Variants in HERC2 observed in about 807,000 individuals in gnomAD.
HERC2 encodes HECT and RLD domain containing E3 ubiquitin protein ligase 2.
HERC2 carries 102 observed loss-of-function variants against 537.7 expected under a neutral mutation model. That is an observed-to-expected ratio of 0.19 (90% confidence interval 0.16 to 0.22). The LOEUF is 0.22. Among genes scored for constraint, HERC2 ranks in the 10% least tolerant of loss-of-function variants. HERC2 has a pLI of 1.00. For synonymous variants in HERC2, 2,224 were observed against 2,466.2 expected (o/e 0.90, Z 2.91); for missense variants, 4,236 against 6,198.2 (o/e 0.68, Z 10.63).
At chr15:28,160,418 A>G (rs1893468266) in intron 69 of HERC2, among the ~76,000 whole-genome samples, 1 of 152,204 alleles carries the variant, frequency 6.6e-6, no homozygotes, top group South Asian at 2.1e-4. Context: ...TTACCTACTC[A>G]AGCCTCAGCA....
chr15:28,209,352 TA>T (rs886666381), intron 44 of HERC2, among the ~76,000 whole-genome samples: 23 of 151,308 alleles, frequency 1.5e-4, no homozygotes, highest in South Asian at 2.1e-4. Context: ...TTTATTTATT[TA>T]TTTTTTTTGA....
chr15:28,155,614 T>C lies in HERC2; in HGVS notation c.10747-2784A>G, dbSNP rs182914120. Among the ~76,000 whole-genome samples, 643 of 149,636 alleles carry C rather than the reference T, an allele frequency of 4.3e-3. 16 individuals carry two copies. Among genetic ancestry groups the C allele is most frequent in the Admixed American group, 0.037 (565 of 15,272 alleles). ...CTTCGCCCACTTGTTGATGGGGTTG[T>C]TTTTTTCTTGTAAATTTCTTTGAGT... On this transcript the variant is annotated intron_variant, in intron 69 of 92. Coordinates refer to ENST00000261609, the MANE Select transcript of HERC2 (RefSeq NM_004667.6).
rs1424033630 is a variant in HERC2, at chr15:28,191,971, G to C, written c.8441C>G (p.Ser2814Trp). The change falls in exon 53 of 93, where the codon TCG becomes TGG. Residue 2814 changes from serine to tryptophan, a missense_variant. Physicochemically the swap from Ser to Trp is radical, Grantham distance 177. Coordinates refer to ENST00000261609, the MANE Select transcript of HERC2 (RefSeq NM_004667.6). ...CCTATTAGATGCTACCTTTCCTTGC[G>C]ACCCCGATGACTGCCAGCAGGGCTC... Reference protein sequence around the residue: ...GSEPCWQSSGSQGKHWIRLEI... With the variant: ...GSEPCWQSSGWQGKHWIRLEI... 1 of 1,613,230 alleles carries C rather than the reference G, an allele frequency of 6.2e-7. No individual in the cohort carries two copies.
In HERC2 at chr15:28,265,851, G is replaced by A; in HGVS notation, c.1722C>T (p.Thr574=). Residue 574 remains threonine (T), a synonymous_variant, in exon 13 of 93, where the codon ACC becomes ACT. Coordinates refer to ENST00000261609, the MANE Select transcript of HERC2 (RefSeq NM_004667.6). This position sits in a 1 kb window ranked among gnomAD's most constrained non-coding sequence, Gnocchi z 4.0. ...GCCGGCCGTAGTTCCCGCGGCCCCA[G>A]GTGTACAGCTCCCCCTCGGCAGTGA... ...AAITAEGELY[T]WGRGNYGRLG... The A allele has an allele frequency of 1.2e-6, 2 of 1,614,162 alleles. No individual in the cohort carries two copies. The highest frequency in any genetic ancestry group is 2.2e-5 in the East Asian group (1 of 44,866).
chr15:28,171,991 C>T (rs1342615507), intron 65 of HERC2, among the ~76,000 whole-genome samples: 4 of 150,780 alleles, frequency 2.7e-5, no homozygotes, highest in Admixed American at 6.6e-5. Context: ...AGGAGAATGG[C>T]GTGAACCCGG....
intron 56 of HERC2, among the ~76,000 whole-genome samples, chr15:28,185,250 C>T (rs1048099832): frequency 7.2e-5 from 11 of 152,078 alleles, no homozygotes; most frequent in Middle Eastern, 3.4e-3. Context: ...TGCTCAACAG[C>T]GGCACAGGGC....
chr15:28,155,483 T>C (rs1272839874), intron 69 of HERC2, among the ~76,000 whole-genome samples: 7 of 152,186 alleles, frequency 4.6e-5, no homozygotes, highest in African/African-American at 1.2e-4. Flanking sequence ...TGGTATCTTA[T>C]TGTGGTTTTG....
At chr15:28,206,574 G>C (rs536584642) in intron 44 of HERC2, among the ~76,000 whole-genome samples, 192 bp from the exon 45 acceptor site, 93 of 151,610 alleles carry the variant, frequency 6.1e-4, no homozygotes, top group African/African-American at 1.8e-3. Context: ...TGGCTCACGC[G>C]TGTAATCCCT....
In HERC2 at chr15:28,143,952, T is replaced by C. The variant is rs756758604; in HGVS notation, c.11339A>G (p.Lys3780Arg). Residue 3780 changes from lysine to arginine, a missense_variant, in exon 74 of 93, where the codon AAG (lysine) becomes AGG (arginine). By Grantham distance (26) the Lys-to-Arg change is conservative (BLOSUM62 2). Transcript: ENST00000261609. ...CTGCCCAAATTCAGTTGTAAGCAGC[T>C]TCCTCAGTCTCTGAAGGGCCCACAT... Reference protein sequence around the residue: ...HRMWALQRLRKLLTTEFGQSI... With the variant: ...HRMWALQRLRRLLTTEFGQSI... 3 of 1,614,098 alleles carry C rather than the reference T, an allele frequency of 1.9e-6. No homozygotes were observed. Among genetic ancestry groups the C allele is most frequent in the South Asian group, 2.2e-5 (2 of 91,084 alleles).
intron 88 of HERC2, among the ~76,000 whole-genome samples, chr15:28,115,783 C>T (rs1202571577): frequency 6.6e-6 from 1 of 152,206 alleles, no homozygotes; most frequent in Non-Finnish European, 1.5e-5. Flanking sequence ...TAGTTTAAGC[C>T]ACACAGTGGC....
chr15:28,155,805 G>A (rs543850528), intron 69 of HERC2, among the ~76,000 whole-genome samples: 30 of 152,216 alleles, frequency 2.0e-4, no homozygotes, highest in Admixed American at 5.9e-4. Context: ...TGTTGCCATT[G>A]CTTTTGGTGT....
chr15:28,125,187 A>C lies in HERC2; in HGVS notation c.12809T>G (p.Val4270Gly). 1.9e-6 allele frequency: 3 copies of C among 1,606,890 alleles called. No homozygotes were observed. The highest frequency in any genetic ancestry group is 8.5e-7 in the Non-Finnish European group (1 of 1,173,828). ...HCVCCTEDGE[V>G]YTWGDNDEGQ... Reference sequence around the variant, plus strand: ...CTCATCATTGTCGCCCCATGTATAAACCTCACCTGAATGAAGTGAATTTAG... The same window carrying C: ...CTCATCATTGTCGCCCCATGTATAACCCTCACCTGAATGAAGTGAATTTAG... Residue 4270 changes from valine (V) to glycine (G), a missense_variant, in exon 84 of 93, where the codon GTT (valine) becomes GGT (glycine). This residue lies in a region of HERC2 where 189 missense variants were observed against 255.7 expected (regional missense o/e 0.74). Coordinates refer to ENST00000261609, the MANE Select transcript of HERC2 (RefSeq NM_004667.6).
intron 38 of HERC2, among the ~76,000 whole-genome samples, chr15:28,217,568 C>T (rs1398521820): frequency 6.6e-6 from 1 of 152,252 alleles, no homozygotes. Flanking sequence ...CCTCAGCTCA[C>T]ATTTCTCATA....
chr15:28,220,501 C>A lies in HERC2; in HGVS notation c.5796G>T (p.Pro1932=). The A allele has an allele frequency of 6.2e-7, 1 of 1,604,362 alleles. No individual in the cohort carries two copies. The highest frequency in any genetic ancestry group is 8.5e-7 in the Non-Finnish European group (1 of 1,179,782). The change falls in exon 37 of 93, where the codon CCG becomes CCT. Residue 1932 remains proline, a synonymous_variant. Transcript: ENST00000261609. ...GKYDLKLAEL[P]AAAQPSAEDS... ...CCTCTGCTGAGGGCTGTGCAGCAGC[C>A]GGCAGCTCTGCCAGCTTGAGGTCGT...
chr15:28,207,501 A>G (rs552446016), intron 44 of HERC2, among the ~76,000 whole-genome samples: 1 of 152,178 alleles, frequency 6.6e-6, no homozygotes, highest in Non-Finnish European at 1.5e-5. Context: ...TCCCACGTGC[A>G]TATTTCTAGC....
intron 35 of HERC2, among the ~76,000 whole-genome samples, chr15:28,226,432 TA>T (rs1259616471): frequency 2.0e-5 from 3 of 151,906 alleles, no homozygotes; most frequent in Admixed American, 2.0e-4. Flanking sequence ...TGTGATAATG[TA>T]ATTGAGAGTC....
chr15:28,165,534 G>A (rs1894040530), intron 68 of HERC2, among the ~76,000 whole-genome samples: 1 of 152,114 alleles, frequency 6.6e-6, no homozygotes, highest in South Asian at 2.1e-4. Context: ...GCTCATGCCT[G>A]TAATCCCAGC....
At chr15:28,200,212 A>C (rs1364409254) in intron 48 of HERC2, among the ~76,000 whole-genome samples, 4 of 152,046 alleles carry the variant, frequency 2.6e-5, no homozygotes, top group African/African-American at 4.8e-5. Context: ...GCCTGACAAA[A>C]ATGAAGAAAC....
Position 28,220,662 on chromosome 15 carries a change from G to A in HERC2, c.5653-18C>T. The A allele has an allele frequency of 6.2e-7, 1 of 1,602,202 alleles. No homozygotes were observed. Among genetic ancestry groups the A allele is most frequent in the Non-Finnish European group, 8.5e-7 (1 of 1,179,024 alleles). On this transcript the variant is annotated intron_variant, in intron 36 of 92. Transcript: ENST00000261609. ...GGCCCATCCTGAGAAAGCCAAAGTA[G>A]AGATCAGTTAGGAGGGTGCGTAACC...
Sources: allele counts gnomAD v4.1 joint callset (sites outside exome capture counted in the v4.1 genomes callset), GRCh38; gene constraint gnomAD v4.1.1; regional missense constraint gnomAD v4.1.1; non-coding constraint Gnocchi (gnomAD v3.1); transcripts MANE v1.5; gene names NCBI Gene and HGNC (gene_info 2026-07-23, HGNC 2026-07-21).